Variants in MALRD1 observed in about 807,000 individuals in gnomAD.
The protein encoded by MALRD1 is MAM and LDL-receptor class A domain-containing protein 1.
MALRD1 carries 247 observed loss-of-function variants against 242.1 expected under a neutral mutation model. That is an observed-to-expected ratio of 1.02 (90% CI 0.92 to 1.13). The LOEUF (loss-of-function observed/expected upper bound fraction) is 1.13. Ranked by LOEUF, MALRD1 falls within the 50% of genes most tolerant of loss-of-function variation. MALRD1 has a pLI of 0.00. For missense variants in MALRD1, 2,989 were observed against 2,533.1 expected, an observed-to-expected ratio of 1.18 and a Z score of -3.86; for synonymous variants, 995 against 866.6, an observed-to-expected ratio of 1.15 and a Z score of -2.60.
Position 19,734,459 on chromosome 10 carries a change from T to C in MALRD1, c.*222T>C. The C allele has an allele frequency of 5.9e-6, 2 of 340,104 alleles. No individual in the cohort carries two copies. Among genetic ancestry groups the C allele is most frequent in the Non-Finnish European group, 1.0e-5 (2 of 190,782 alleles). The allele number at this position is 340,104 out of a possible 1,614,324, so 21.1% of individuals were successfully genotyped here. Reference sequence around the variant, plus strand: ...TTCACTGAACATCTGAATATTTTAATAAAATTTCTATTTAATCAAGTTTCT... The same window carrying C: ...TTCACTGAACATCTGAATATTTTAACAAAATTTCTATTTAATCAAGTTTCT... On this transcript the variant is annotated 3_prime_UTR_variant, in exon 40 of 40. Coordinates refer to ENST00000454679, the MANE Select transcript of MALRD1 (RefSeq NM_001142308.3).
intron 29 of MALRD1, among the ~76,000 whole-genome samples, chr10:19,473,795 T>TA (rs1836608359): frequency 6.6e-6 from 1 of 152,190 alleles, no homozygotes; most frequent in Non-Finnish European, 1.5e-5. Flanking sequence ...AGTGCACAAA[T>TA]ACCTGCTCAA....
chr10:19,068,671 G>A (rs956126697), intron 2 of MALRD1, among the ~76,000 whole-genome samples: 4 of 152,084 alleles, frequency 2.6e-5, no homozygotes, highest in African/African-American at 9.7e-5. Context: ...TTTTAAGTAA[G>A]CAAGTGTTCT....
upstream of MALRD1, chr10:19,048,773 A>G (rs1834402130): frequency 2.2e-6 from 1 of 449,342 alleles, no homozygotes; most frequent in Non-Finnish European, 3.6e-6. Flanking sequence ...TTGAAAGAGC[A>G]AATTAACTGC....
At chr10:19,470,324 A>G (rs1399838283) in intron 29 of MALRD1, among the ~76,000 whole-genome samples, 1 of 151,820 alleles carries the variant, frequency 6.6e-6, no homozygotes, top group Non-Finnish European at 1.5e-5. Flanking sequence ...TGTATACCAC[A>G]TTTTCTTTAT....
intron 28 of MALRD1, among the ~76,000 whole-genome samples, chr10:19,438,183 A>T (rs2496077): frequency 0.71 from 107,165 of 150,900 alleles, 37,872 homozygotes; most frequent in Non-Finnish European, 0.74. Flanking sequence ...TTCTTTTTTT[A>T]CTCTAGGTGT....
At chr10:19,322,545 C>G (rs1381680065) in intron 21 of MALRD1, among the ~76,000 whole-genome samples, 1 of 152,082 alleles carries the variant, frequency 6.6e-6, no homozygotes, top group Non-Finnish European at 1.5e-5. Flanking sequence ...GTCTCATTTT[C>G]TGAAATGAAG....
intron 31 of MALRD1, among the ~76,000 whole-genome samples, chr10:19,523,802 T>A (rs1833977810): frequency 6.6e-6 from 1 of 151,898 alleles, no homozygotes; most frequent in African/African-American, 2.4e-5. Context: ...AGCTTCATTT[T>A]TGTATCAGAT....
rs73595864 is a variant in MALRD1 at position 19,616,428 on chromosome 10, C to A, written c.6137+505C>A. ...TTTGCATACTCAAAGCAAGAGTAAA[C>A]AAAAATAGGCGTTGTGATTTCTTTG... On this transcript the variant is annotated intron_variant, in intron 36 of 39. Coordinates refer to ENST00000454679, the MANE Select transcript of MALRD1 (RefSeq NM_001142308.3). Among the ~76,000 whole-genome samples, 429 of 151,970 alleles carry A rather than the reference C, an allele frequency of 2.8e-3. 3 individuals carry two copies. The highest frequency in any genetic ancestry group is 1.0e-2 in the African/African-American group (415 of 41,508).
chr10:19,550,381 T>C (rs1261563119), intron 32 of MALRD1, among the ~76,000 whole-genome samples: 2 of 152,158 alleles, frequency 1.3e-5, no homozygotes, highest in Non-Finnish European at 2.9e-5. Flanking sequence ...ACCTGTGCAG[T>C]TTTGTTACAT....
intron 28 of MALRD1, among the ~76,000 whole-genome samples, chr10:19,401,274 G>C (rs986279451): frequency 1.3e-5 from 2 of 151,936 alleles, no homozygotes; most frequent in African/African-American, 4.8e-5. Context: ...TGCTTTCATT[G>C]TTTCTATAAT....
chr10:19,597,232 C>T (rs1020759654), intron 34 of MALRD1, among the ~76,000 whole-genome samples: 2 of 152,110 alleles, frequency 1.3e-5, no homozygotes, highest in Non-Finnish European at 2.9e-5. Flanking sequence ...TATCCCTGTT[C>T]CCATCAGAGC....
chr10:19,344,639 A>G (rs2130969882), intron 24 of MALRD1, among the ~76,000 whole-genome samples: 1 of 150,904 alleles, frequency 6.6e-6, no homozygotes, highest in South Asian at 2.1e-4. Flanking sequence ...AGTCCCTTTG[A>G]CGTTCTATAT....
chr10:19,529,474 A>G (rs1834242472), intron 31 of MALRD1, among the ~76,000 whole-genome samples: 1 of 148,322 alleles, frequency 6.7e-6, no homozygotes, highest in African/African-American at 2.5e-5. Context: ...TAAAATTGAT[A>G]TGTTAAGAGA....
intron 31 of MALRD1, among the ~76,000 whole-genome samples, chr10:19,519,953 G>C (rs1190402125): frequency 6.6e-6 from 1 of 152,142 alleles, no homozygotes; most frequent in Non-Finnish European, 1.5e-5. Context: ...ACTAAAGGTA[G>C]ATCATTGTTA....
intron 36 of MALRD1, among the ~76,000 whole-genome samples, chr10:19,664,681 GA>G (rs34530005): frequency 6.6e-6 from 1 of 151,398 alleles, no homozygotes; most frequent in East Asian, 1.9e-4. Context: ...TTTCTATATT[GA>G]AAAAATGTGT....
chr10:19,466,596 T>G (rs1836227472), intron 29 of MALRD1, among the ~76,000 whole-genome samples: 1 of 152,200 alleles, frequency 6.6e-6, no homozygotes, highest in South Asian at 2.1e-4. Flanking sequence ...TCTCCACGGC[T>G]TGAAGATGAT....
chr10:19,484,771 T>A (rs2131190807), intron 29 of MALRD1, among the ~76,000 whole-genome samples: 1 of 152,290 alleles, frequency 6.6e-6, no homozygotes, highest in South Asian at 2.1e-4. Flanking sequence ...TGGAGATTTC[T>A]TAAAGTACTA....
At chr10:19,629,884 T>C (rs549039937) in intron 36 of MALRD1, among the ~76,000 whole-genome samples, 1 of 152,300 alleles carries the variant, frequency 6.6e-6, no homozygotes, top group East Asian at 1.9e-4. Flanking sequence ...TATGTCAGAG[T>C]AGAAGCTTTT....
chr10:19,367,533 GA>G (rs779537662), intron 26 of MALRD1, among the ~76,000 whole-genome samples: 1 of 152,118 alleles, frequency 6.6e-6, no homozygotes, highest in Non-Finnish European at 1.5e-5. Context: ...CACCTAGGCT[GA>G]TTTCTTATCT....
Sources: gnomAD v4.1 joint callset for allele counts (sites outside exome capture counted in the v4.1 genomes callset) on GRCh38, gnomAD v4.1.1 for gene constraint, MANE v1.5 for transcripts, NCBI Gene and HGNC (gene_info 2026-07-23, HGNC 2026-07-21) for gene names.